The following KLF7 variants were observed in gnomAD, a reference collection of about 807,000 sequenced individuals.
KLF7 encodes the protein KLF transcription factor 7.
A neutral mutation model predicts 27.3 loss-of-function variants in KLF7; 2 were observed. The ratio of observed to expected loss-of-function variants is 0.07; its 90% CI spans 0.03 to 0.23. The LOEUF is 0.23. Ranked by LOEUF, KLF7 falls within the 10% of genes least tolerant of loss-of-function variation. The pLI is 1.00. For missense variants in KLF7, 221 were observed against 394.1 expected, an observed-to-expected ratio of 0.56 and a Z score of 3.72; for synonymous variants, 165 against 162.4, an observed-to-expected ratio of 1.02 and a Z score of -0.12.
intron 1 of KLF7, among the ~76,000 whole-genome samples, chr2:207,135,221 A>G (rs1317929454): frequency 6.6e-6 from 1 of 152,102 alleles, no homozygotes; most frequent in East Asian, 1.9e-4. Context: ...GAGGAAGCAA[A>G]ACAGTAATAG....
chr2:207,135,879 C>G (rs2077771147), intron 1 of KLF7, among the ~76,000 whole-genome samples: 1 of 152,062 alleles, frequency 6.6e-6, no homozygotes, highest in South Asian at 2.1e-4. Flanking sequence ...AACAGAGAGG[C>G]CAATTTAGCT....
chr2:207,144,165 GGAGAA>G (rs1559158401), intron 1 of KLF7, among the ~76,000 whole-genome samples: 4 of 50,834 alleles, frequency 7.9e-5, no homozygotes, highest in Non-Finnish European at 1.4e-4. Flanking sequence ...ACAGCGGGGG[GGAGAA>G]AAAAAAAAAA....
chr2:207,080,798 G>A lies in KLF7; in HGVS notation c.*415C>T, dbSNP rs2076252183. On this transcript the variant is annotated 3_prime_UTR_variant, in exon 4 of 4. Coordinates refer to ENST00000309446, the MANE Select transcript of KLF7 (RefSeq NM_003709.4). ...GGATTCTCCTATCAAGTTGCACTGAGAAGCAAGTGAAATAAGCCCCTCGGA... is the reference window on the plus strand; with the variant it reads ...GGATTCTCCTATCAAGTTGCACTGAAAAGCAAGTGAAATAAGCCCCTCGGA... 2.5e-6 allele frequency: 1 copy of A among 402,218 alleles called. No individual in the cohort carries two copies. Among genetic ancestry groups the A allele is most frequent in the East Asian group, 3.5e-5 (1 of 28,252 alleles). 24.9% of individuals were successfully genotyped at this position (402,218 alleles called of 1,614,324 possible). A position where few individuals can be genotyped will look rare whatever the true frequency, so the allele number is the denominator to read the frequency against.
At chr2:207,160,872 C>T (rs2078526829) in intron 1 of KLF7, among the ~76,000 whole-genome samples, 1 of 152,208 alleles carries the variant, frequency 6.6e-6, no homozygotes, top group Admixed American at 6.5e-5. Flanking sequence ...TAAATCATTT[C>T]AGGGCAAGGC....
rs373445474 is a variant in KLF7, at chr2:207,124,218, T to C, written c.289A>G (p.Ile97Val). 2.5e-6 allele frequency: 4 copies of C among 1,613,824 alleles called. No homozygotes were observed. Among genetic ancestry groups the C allele is most frequent in the Non-Finnish European group, 3.4e-6 (4 of 1,179,992 alleles). Reference protein sequence around the residue: ...AICEKSSAVDILLSRDKLLSE... With the variant: ...AICEKSSAVDVLLSRDKLLSE... ...AGCAACTTGTCCCGAGAGAGCAAGATGTCCACTGCCGAGCTCTTCTCACAG... is the reference window on the plus strand; with the variant it reads ...AGCAACTTGTCCCGAGAGAGCAAGACGTCCACTGCCGAGCTCTTCTCACAG... The change falls in exon 2 of 4, where the codon ATC becomes GTC. Residue 97 changes from isoleucine (I) to valine (V), a missense_variant. Physicochemically the swap from Ile to Val is conservative, Grantham distance 29. This residue lies in a region of KLF7 where 180 missense variants were observed against 227.9 expected (regional missense o/e 0.79). Transcript: ENST00000309446.
chr2:207,095,989 C>T (rs1410704814), intron 2 of KLF7, among the ~76,000 whole-genome samples: 1 of 152,096 alleles, frequency 6.6e-6, no homozygotes, highest in Non-Finnish European at 1.5e-5. Flanking sequence ...CTATTTTGGA[C>T]AGCACTGGCT....
chr2:207,170,865 A>G (rs2078779871), upstream of KLF7, among the ~76,000 whole-genome samples: 1 of 152,034 alleles, frequency 6.6e-6, no homozygotes. Flanking sequence ...GGAGTTGTAC[A>G]TGTTGTTGTC....
chr2:207,106,069 T>A (rs560715272), intron 2 of KLF7, among the ~76,000 whole-genome samples: 1 of 152,250 alleles, frequency 6.6e-6, no homozygotes, highest in African/African-American at 2.4e-5. Flanking sequence ...CTAATTAGTA[T>A]GATTAATTAC....
At chr2:207,133,849 C>A (rs528015219) in intron 1 of KLF7, among the ~76,000 whole-genome samples, 1 of 152,180 alleles carries the variant, frequency 6.6e-6, no homozygotes, top group Non-Finnish European at 1.5e-5. Context: ...ATTCCTCCCC[C>A]CAGTGGATCT....
intron 1 of KLF7, chr2:207,134,062 C>T (rs1423390687): frequency 2.0e-6 from 3 of 1,535,458 alleles, no homozygotes; most frequent in Admixed American, 2.0e-5. Flanking sequence ...CCCCTTTACA[C>T]TCACTGGCCA....
chr2:207,107,058 T>G (rs1281324526), intron 2 of KLF7, among the ~76,000 whole-genome samples: 1 of 152,086 alleles, frequency 6.6e-6, no homozygotes, highest in Non-Finnish European at 1.5e-5. Context: ...ACGAAATGGC[T>G]GTTATCATTC....
Position 207,123,877 on chromosome 2 carries a change from T to C in KLF7, c.630A>G (p.Ala210=). 6.2e-7 allele frequency: 1 copy of C among 1,613,940 alleles called. No homozygotes were observed. The highest frequency in any genetic ancestry group is 1.7e-4 in the Middle Eastern group (1 of 5,874). The change falls in exon 2 of 4, where the codon GCA becomes GCG. Residue 210 remains alanine, a synonymous_variant. Coordinates refer to ENST00000309446, the MANE Select transcript of KLF7 (RefSeq NM_003709.4). ...GAACCCTCTTCTTGTTTTCGGGACA[T>C]GCTTCAGCCCCCAGCCCTCCTTGGT... ...DSDQGGLGAE[A]CPENKKRVHR... is the part of the protein sequence containing the mutation.
intron 2 of KLF7, among the ~76,000 whole-genome samples, chr2:207,112,452 G>C (rs1419446981): frequency 6.6e-6 from 1 of 152,118 alleles, no homozygotes; most frequent in Non-Finnish European, 1.5e-5. Context: ...CTCAGCCTAG[G>C]CCTCCTCCTG....
At chr2:207,106,556 C>G (rs1235256649) in intron 2 of KLF7, among the ~76,000 whole-genome samples, 1 of 152,124 alleles carries the variant, frequency 6.6e-6, no homozygotes, top group Non-Finnish European at 1.5e-5. Flanking sequence ...GGTATTTATG[C>G]ATCTACGAAA....
chr2:207,148,529 G>C (rs535140508), intron 1 of KLF7, among the ~76,000 whole-genome samples: 2 of 152,192 alleles, frequency 1.3e-5, no homozygotes, highest in African/African-American at 2.4e-5. Context: ...CAAAAATCCT[G>C]GTAGCCTAGT....
intron 2 of KLF7, among the ~76,000 whole-genome samples, chr2:207,109,130 C>T (rs1401605891): frequency 6.6e-6 from 1 of 152,238 alleles, no homozygotes; most frequent in Admixed American, 6.5e-5. Context: ...TGAGATACCA[C>T]TTCAAGAATC....
upstream of KLF7, among the ~76,000 whole-genome samples, chr2:207,172,045 C>G (rs1017936345): frequency 2.6e-5 from 4 of 152,216 alleles, no homozygotes; most frequent in African/African-American, 9.7e-5. Context: ...GGCACCCTGA[C>G]ATACTGAGTA....
chr2:207,124,963 C>T (rs936724435), intron 1 of KLF7, among the ~76,000 whole-genome samples: 3 of 152,194 alleles, frequency 2.0e-5, no homozygotes, highest in Admixed American at 2.0e-4. Context: ...GGATGGATTC[C>T]ATAACCAGCA....
chr2:207,109,545 A>T (rs962256901), intron 2 of KLF7, among the ~76,000 whole-genome samples: 6 of 152,178 alleles, frequency 3.9e-5, no homozygotes, highest in Admixed American at 2.6e-4. Context: ...TCGGTAAGTG[A>T]AGGTTAAATG....
Sources: allele counts gnomAD v4.1 joint callset (sites outside exome capture counted in the v4.1 genomes callset), GRCh38; gene constraint gnomAD v4.1.1; regional missense constraint gnomAD v4.1.1; transcripts MANE v1.5; gene names NCBI Gene and HGNC (gene_info 2026-07-23, HGNC 2026-07-21).